The following NFIB variants were observed in gnomAD, a reference collection of about 807,000 sequenced individuals.
The protein encoded by NFIB is nuclear factor I B, also known as nuclear factor 1 B-type.
Under a neutral mutation model 61.5 loss-of-function variants are expected in NFIB, and 11 were observed. That is an observed-to-expected ratio of 0.18 (90% CI 0.11 to 0.30). NFIB has a LOEUF of 0.30. NFIB is among the 10% of genes least tolerant of loss of function. NFIB has a pLI of 1.00. For missense variants in NFIB, 471 were observed against 608.9 expected (o/e 0.77, Z 2.38); for synonymous variants, 260 against 216.5 (o/e 1.20, Z -1.76).
At chr9:14,292,424 A>T (rs1021544035) in intron 2 of NFIB, among the ~76,000 whole-genome samples, 23 of 152,324 alleles carry the variant, frequency 1.5e-4, no homozygotes, top group Non-Finnish European at 2.9e-4. Flanking sequence ...CACATTTTCT[A>T]TTTCTCTTTA....
chr9:14,435,139 C>T, the NFIB span, among the ~76,000 whole-genome samples: 4 of 152,238 alleles, frequency 2.6e-5, no homozygotes, highest in African/African-American at 4.8e-5. Flanking sequence ...CTGAGCCATG[C>T]ATGCCCTATG....
At chr9:14,328,535 T>G (rs986529190) in intron 1 of NFIB, among the ~76,000 whole-genome samples, 1 of 151,976 alleles carries the variant, frequency 6.6e-6, no homozygotes, top group African/African-American at 2.4e-5. Context: ...ATACTTTAAA[T>G]GAACAATTAA....
At chr9:14,476,613 C>T in the NFIB span, among the ~76,000 whole-genome samples, 7 of 152,136 alleles carry the variant, frequency 4.6e-5, no homozygotes, top group South Asian at 2.1e-4. Context: ...AAGATCATCA[C>T]GCAAAATTCC....
chr9:14,200,395 T>C (rs567518302), intron 2 of NFIB, among the ~76,000 whole-genome samples: 1 of 152,176 alleles, frequency 6.6e-6, no homozygotes, highest in Non-Finnish European at 1.5e-5. Context: ...GACCAAGGAA[T>C]AAAACACAAT....
At chr9:14,508,354 C>T in the NFIB span, among the ~76,000 whole-genome samples, 16 of 152,162 alleles carry the variant, frequency 1.1e-4, no homozygotes, top group East Asian at 5.8e-4. Context: ...TCATTTCTGC[C>T]GGAAACCGCC....
chr9:14,401,568 T>C (rs1036240185), upstream of NFIB, among the ~76,000 whole-genome samples: 2 of 152,214 alleles, frequency 1.3e-5, no homozygotes, highest in African/African-American at 4.8e-5. Flanking sequence ...TTGACTTACT[T>C]TGAAAGTTAA....
intron 1 of NFIB, among the ~76,000 whole-genome samples, chr9:14,325,294 C>A (rs908627582): frequency 1.3e-5 from 2 of 152,022 alleles, no homozygotes; most frequent in Admixed American, 1.3e-4. Flanking sequence ...TTTTTTTCTG[C>A]CTTAAGTTGC....
chr9:14,155,791 G>A (rs905105038), intron 4 of NFIB, 34 bp downstream of exon 4: 1 of 1,293,498 alleles, frequency 7.7e-7, no homozygotes, highest in Non-Finnish European at 1.1e-6. Context: ...AAATCATACT[G>A]CATGCTTAAG....
intron 2 of NFIB, among the ~76,000 whole-genome samples, chr9:14,202,097 CATT>C (rs937936610): frequency 6.0e-5 from 9 of 150,126 alleles, no homozygotes; most frequent in African/African-American, 2.2e-4. Context: ...AATCTGTAAT[CATT>C]ATATTTTGAA....
chr9:14,237,077 T>C (rs1196770774), intron 2 of NFIB, among the ~76,000 whole-genome samples: 1 of 152,156 alleles, frequency 6.6e-6, no homozygotes, highest in African/African-American at 2.4e-5. Flanking sequence ...AGTTGAACAG[T>C]AGGGCCACTA....
intron 1 of NFIB, among the ~76,000 whole-genome samples, chr9:14,364,318 A>G (rs1352012849): frequency 6.6e-6 from 1 of 152,144 alleles, no homozygotes; most frequent in Non-Finnish European, 1.5e-5. Flanking sequence ...CTTTGTGAAA[A>G]GCCAACGAAG....
At chr9:14,360,790 C>T (rs906670604) in intron 1 of NFIB, among the ~76,000 whole-genome samples, 1 of 151,964 alleles carries the variant, frequency 6.6e-6, no homozygotes, top group Non-Finnish European at 1.5e-5. Context: ...GTCATCCGCC[C>T]GCCTGGGCCT....
At chr9:14,477,593 C>T in the NFIB span, among the ~76,000 whole-genome samples, 3 of 152,040 alleles carry the variant, frequency 2.0e-5, no homozygotes, top group East Asian at 1.9e-4. Context: ...TGGTATATTG[C>T]GAAGTGAGGT....
At chr9:14,269,730 AT>A (rs1251152007) in intron 2 of NFIB, among the ~76,000 whole-genome samples, 7 of 151,526 alleles carry the variant, frequency 4.6e-5, no homozygotes, top group Admixed American at 6.6e-5. Context: ...ATATGTCCCG[AT>A]TTTTTTTTCT....
At chr9:14,126,785 G>C (rs182785879) in intron 6 of NFIB, among the ~76,000 whole-genome samples, 1 of 152,322 alleles carries the variant, frequency 6.6e-6, no homozygotes, top group Admixed American at 6.5e-5. Context: ...ACTAAATGGA[G>C]GGCGGACTGG....
chr9:14,470,244 G>A, the NFIB span, among the ~76,000 whole-genome samples: 44 of 152,294 alleles, frequency 2.9e-4, no homozygotes, highest in African/African-American at 9.9e-4. Context: ...CCATGTTGCA[G>A]AGTCTATGTG....
chr9:14,125,827 C>T, intron 6 of NFIB, 61 bp from the exon 7 acceptor site: 2 of 1,573,188 alleles, frequency 1.3e-6, no homozygotes, highest in South Asian at 2.4e-5. Context: ...AGGTTCATGT[C>T]AACAAATGAC....
chr9:14,513,775 A>C, the NFIB span, among the ~76,000 whole-genome samples: 15 of 152,246 alleles, frequency 9.9e-5, no homozygotes, highest in Admixed American at 3.9e-4. Flanking sequence ...CAGTTCCATC[A>C]CTTACTCTCT....
At chr9:14,249,924 C>T (rs1233049238) in intron 2 of NFIB, among the ~76,000 whole-genome samples, 1 of 152,068 alleles carries the variant, frequency 6.6e-6, no homozygotes, top group Non-Finnish European at 1.5e-5. Flanking sequence ...ATCATAAATG[C>T]CAAAGTCTTG....
Sources: allele counts gnomAD v4.1 joint callset (sites outside exome capture counted in the v4.1 genomes callset), GRCh38; gene constraint gnomAD v4.1.1; transcripts MANE v1.5; gene names NCBI Gene and HGNC (gene_info 2026-07-23, HGNC 2026-07-21).